SLC35F3: variants seen among roughly 807,000 people sequenced by gnomAD.
The protein encoded by SLC35F3 is putative thiamine transporter SLC35F3.
A neutral mutation model predicts 49.9 loss-of-function variants in SLC35F3; 25 were observed. That is an observed-to-expected ratio of 0.50 (90% CI 0.37 to 0.70). The LOEUF (loss-of-function observed/expected upper bound fraction) is 0.70, where lower values mean the gene tolerates loss of function less well. SLC35F3 is among the 30% of genes least tolerant of loss of function. SLC35F3 has a pLI of 0.00. For missense variants in SLC35F3, 525 were observed against 639.8 expected (o/e 0.82, Z 1.94); for synonymous variants, 275 against 265.4 (o/e 1.04, Z -0.35).
At chr1:234,216,149 TGTG>T (rs557096264) in intron 2 of SLC35F3, among the ~76,000 whole-genome samples, 87 of 152,218 alleles carry the variant, frequency 5.7e-4, no homozygotes, top group African/African-American at 1.9e-3. Context: ...CCCACATGCA[TGTG>T]TGAATTGGGG....
At chr1:234,272,909 G>A (rs1241271239) in intron 3 of SLC35F3, among the ~76,000 whole-genome samples, 8 of 152,170 alleles carry the variant, frequency 5.3e-5, no homozygotes, top group Admixed American at 5.2e-4. Context: ...GGTCAGCACA[G>A]CATCAGAACT....
At chr1:233,915,878 A>G (rs1661960437) in intron 2 of SLC35F3, among the ~76,000 whole-genome samples, 1 of 152,230 alleles carries the variant, frequency 6.6e-6, no homozygotes, top group Non-Finnish European at 1.5e-5. Context: ...ACCTGCCTCC[A>G]TGATTCAATT....
At position 234,112,029 on chromosome 1, in the gene SLC35F3, C is replaced by T. The variant is rs374275002; in HGVS notation, c.284-119388C>T. On this transcript the variant is annotated intron_variant, in intron 2 of 7. Coordinates refer to ENST00000366618, the MANE Select transcript of SLC35F3 (RefSeq NM_173508.4). ...GAACCTCAGATCTTTCTCATCCTTG[C>T]CATGGCTGTGCTGGTTAATTCAGTG... 1.2e-3 allele frequency among the ~76,000 whole-genome samples: 178 copies of T among 152,192 alleles called. 4 individuals are homozygous for T. In the South Asian group the frequency reaches 0.036, roughly 30 times the overall value.
intron 2 of SLC35F3, among the ~76,000 whole-genome samples, chr1:234,217,398 G>A (rs2102943290): frequency 6.6e-6 from 1 of 152,318 alleles, no homozygotes; most frequent in Non-Finnish European, 1.5e-5. Flanking sequence ...TTCTCTTAAG[G>A]ACGTTTTAGT....
chr1:234,280,198 C>T (rs1668300560), intron 3 of SLC35F3, among the ~76,000 whole-genome samples: 1 of 152,222 alleles, frequency 6.6e-6, no homozygotes, highest in African/African-American at 2.4e-5. Context: ...CATTAAAGAA[C>T]ATTCCTGCTT....
At chr1:234,169,622 G>A (rs1306727229) in intron 2 of SLC35F3, among the ~76,000 whole-genome samples, 1 of 152,128 alleles carries the variant, frequency 6.6e-6, no homozygotes, top group African/African-American at 2.4e-5. Context: ...GCTCCACTAC[G>A]GGAGGAGGTC....
intron 2 of SLC35F3, among the ~76,000 whole-genome samples, chr1:234,183,966 C>A (rs1238343064): frequency 2.6e-5 from 3 of 117,464 alleles, no homozygotes; most frequent in Non-Finnish European, 5.4e-5. Context: ...AACCTACACT[C>A]ATTGAGATCT....
intron 2 of SLC35F3, among the ~76,000 whole-genome samples, chr1:234,033,656 G>A (rs1664099956): frequency 6.6e-6 from 1 of 152,170 alleles, no homozygotes; most frequent in Admixed American, 6.5e-5. Flanking sequence ...TCGAAGATCA[G>A]TTGGCTCTAA....
At chr1:234,233,676 C>T (rs1453112864) in intron 3 of SLC35F3, among the ~76,000 whole-genome samples, 2 of 152,200 alleles carry the variant, frequency 1.3e-5, no homozygotes, top group African/African-American at 2.4e-5. Context: ...AACCTATTGT[C>T]TTCCTATAAA....
rs144409342 is a variant in SLC35F3, at chr1:234,228,221, G to A, written c.284-3196G>A. Among the ~76,000 whole-genome samples, 75 of 152,212 alleles carry A rather than the reference G, an allele frequency of 4.9e-4. No individual in the cohort carries two copies. In the East Asian group the frequency reaches 0.013, roughly 26 times the overall value. ...ACCACCATCCTCACTGCCCCTCCAGGTCATGTGTATTCCTGACCCTGAACT... is the reference window on the plus strand; with the variant it reads ...ACCACCATCCTCACTGCCCCTCCAGATCATGTGTATTCCTGACCCTGAACT... On this transcript the variant is annotated intron_variant, in intron 2 of 7. Transcript: ENST00000366618.
At chr1:234,010,365 T>TGC (rs1663696492) in intron 2 of SLC35F3, among the ~76,000 whole-genome samples, 1 of 152,078 alleles carries the variant, frequency 6.6e-6, no homozygotes, top group Non-Finnish European at 1.5e-5. Context: ...AATTGAAAGA[T>TGC]TCAAAGCATA....
At chr1:233,926,572 T>C (rs1662163685) in intron 2 of SLC35F3, among the ~76,000 whole-genome samples, 1 of 152,162 alleles carries the variant, frequency 6.6e-6, no homozygotes, top group African/African-American at 2.4e-5. Context: ...TTGTGATGGG[T>C]TCCTACATCC....
chr1:234,116,505 T>TTTTA lies in SLC35F3; in HGVS notation c.284-114892_284-114889dup, dbSNP rs200809963. Reference sequence around the variant, plus strand: ...CCCTCCCACCCCCCATTATTTTTGTTTTTATTTATTTATTTATTTATTTTG... The same window carrying TTTTA: ...CCCTCCCACCCCCCATTATTTTTGTTTTTATTTATTTATTTATTTATTTATTTTG... On this transcript the variant is annotated intron_variant, in intron 2 of 7. Coordinates refer to ENST00000366618, the MANE Select transcript of SLC35F3 (RefSeq NM_173508.4). 4.7e-3 allele frequency among the ~76,000 whole-genome samples: 666 copies of TTTTA among 141,892 alleles called. 8 individuals are homozygous for TTTTA. The highest frequency in any genetic ancestry group is 0.016 in the African/African-American group (628 of 40,258). 93.1% of individuals were successfully genotyped at this position (141,892 alleles called of 152,430 possible).
rs34032258 is a variant in SLC35F3, at chr1:234,231,518, C to T, written c.385C>T (p.Arg129Trp). ...GAGTCGCCGCTGCTGGACGTGCTCC[C>T]GGGCGCAACTCAAGAAGATCTTCTG... ...RASRRCWTCSRAQLKKIFWGV... is the reference protein window; with the variant it reads ...RASRRCWTCSWAQLKKIFWGV... The change falls in exon 3 of 8, where the codon CGG (arginine) becomes TGG (tryptophan). Residue 129 changes from arginine to tryptophan, a missense_variant. Around this residue, in one of 4 missense-constraint regions of SLC35F3, gnomAD observed 228 missense variants for 218.9 expected, o/e 1.04. Transcript: ENST00000366618. This position sits in a 1 kb window ranked among gnomAD's most constrained non-coding sequence, Gnocchi z 5.4. 1.2e-6 allele frequency: 2 copies of T among 1,613,862 alleles called. No homozygotes were observed. The highest frequency in any genetic ancestry group is 1.1e-5 in the South Asian group (1 of 91,074).
chr1:233,994,921 C>G (rs920517530), intron 2 of SLC35F3, among the ~76,000 whole-genome samples: 10 of 152,072 alleles, frequency 6.6e-5, no homozygotes, highest in African/African-American at 2.4e-4. Context: ...AACACAGATT[C>G]TGGAGATAGC....
rs78015311 is a variant in SLC35F3, at chr1:234,266,629, G to A, written c.608+34888G>A. 1.7e-3 allele frequency among the ~76,000 whole-genome samples: 255 copies of A among 152,238 alleles called. 5 individuals carry two copies. In the East Asian group the frequency reaches 0.041, roughly 25 times the overall value. ...CATATAGTGTACTTACACAAGCCTC[G>A]ACGGTATAGCCTGCTGCACACCTAG... is the stretch of plus-strand genomic sequence containing the variant. On this transcript the variant is annotated intron_variant, in intron 3 of 7. Coordinates refer to ENST00000366618, the MANE Select transcript of SLC35F3 (RefSeq NM_173508.4).
chr1:234,214,924 C>A lies in SLC35F3; in HGVS notation c.284-16493C>A. On this transcript the variant is annotated intron_variant, in intron 2 of 7. Transcript: ENST00000366618. The surrounding 1 kb of genome is among the most constrained non-coding windows in gnomAD (Gnocchi z 8.0). ...TGTTCGGCAGGAGGGGGTCGTCCAG[C>A]CGCTCCCAGTGTCCCCTTACCACAC... The A allele has an allele frequency of 4.2e-6, 1 of 236,166 alleles. No individual in the cohort carries two copies. The highest frequency in any genetic ancestry group is 1.1e-4 in the South Asian group (1 of 8,896). 14.6% of individuals were successfully genotyped at this position (236,166 alleles called of 1,614,324 possible). A position where few individuals can be genotyped will look rare whatever the true frequency, so the allele number is the denominator to read the frequency against.
At chr1:234,011,778 A>G (rs1663724079) in intron 2 of SLC35F3, among the ~76,000 whole-genome samples, 1 of 152,140 alleles carries the variant, frequency 6.6e-6, no homozygotes, top group African/African-American at 2.4e-5. Context: ...ATCACTATTC[A>G]AGGACCTGCT....
At chr1:233,993,321 G>T (rs1286897372) in intron 2 of SLC35F3, among the ~76,000 whole-genome samples, 1 of 152,068 alleles carries the variant, frequency 6.6e-6, no homozygotes, top group Non-Finnish European at 1.5e-5. Context: ...TTGCTGGGCT[G>T]GTGGTCCAGG....
Sources: gnomAD v4.1 joint callset for allele counts (sites outside exome capture counted in the v4.1 genomes callset) on GRCh38, gnomAD v4.1.1 for gene constraint, gnomAD v4.1.1 regional missense constraint, Gnocchi (gnomAD v3.1) non-coding constraint, MANE v1.5 for transcripts, NCBI Gene and HGNC (gene_info 2026-07-23, HGNC 2026-07-21) for gene names.